FAM193A: variants seen among roughly 807,000 people sequenced by gnomAD.
FAM193A encodes family with sequence similarity 193 member A.
In FAM193A, 22 loss-of-function variants were observed where a neutral mutation model predicts 126.5. The observed-to-expected ratio is 0.17, with a 90% CI of 0.12 to 0.25. The LOEUF (loss-of-function observed/expected upper bound fraction) is 0.25, where lower values mean the gene tolerates loss of function less well. Among genes scored for constraint, FAM193A ranks in the 10% least tolerant of loss-of-function variants. FAM193A has a pLI of 1.00. For synonymous variants in FAM193A, 761 were observed against 646.8 expected (o/e 1.18, Z -2.68); for missense variants, 1,675 against 1,672.8 (o/e 1.00, Z -0.02).
At chr4:2,624,183 C>CT (rs371817846) in intron 2 of FAM193A, among the ~76,000 whole-genome samples, 2,713 of 147,644 alleles carry the variant, frequency 0.018, 61 homozygotes, top group African/African-American at 0.053. Flanking sequence ...TTCTCTCTCT[C>CT]TTTTTTTTTT....
intron 1 of FAM193A, among the ~76,000 whole-genome samples, chr4:2,591,444 A>G (rs1453745000): frequency 6.6e-6 from 1 of 152,114 alleles, no homozygotes; most frequent in Non-Finnish European, 1.5e-5. Flanking sequence ...GGGTTTTGAC[A>G]GGAGATGGAG....
At chr4:2,710,161 G>GTTTTTTTTTTTTTTTTCTTT (rs796903801) in intron 19 of FAM193A, among the ~76,000 whole-genome samples, 1 of 91,822 alleles carries the variant, frequency 1.1e-5, no homozygotes, top group Non-Finnish European at 2.1e-5. Flanking sequence ...TTCTTCTTTT[G>GTTTTTTTTTTTTTTTTCTTT]TTTTTTTTTT....
At chr4:2,625,876 A>T (rs1018217004) in intron 3 of FAM193A, among the ~76,000 whole-genome samples, 3 of 151,866 alleles carry the variant, frequency 2.0e-5, no homozygotes, top group African/African-American at 4.8e-5. Context: ...GGCGCGCACC[A>T]CCATGTCGGG....
chr4:2,547,844 C>G (rs1343558898), intron 1 of FAM193A, among the ~76,000 whole-genome samples: 1 of 150,432 alleles, frequency 6.6e-6, no homozygotes, highest in Non-Finnish European at 1.5e-5. Context: ...AGGCTGGTCT[C>G]GAACTCTTGA....
At chr4:2,578,115 A>G (rs1739711812) in intron 1 of FAM193A, among the ~76,000 whole-genome samples, 2 of 152,032 alleles carry the variant, frequency 1.3e-5, no homozygotes, top group African/African-American at 4.8e-5. Flanking sequence ...GTCTTGCTCT[A>G]TCACCCAGTG....
intron 10 of FAM193A, among the ~76,000 whole-genome samples, chr4:2,660,282 GA>G (rs1025558014): frequency 6.6e-6 from 1 of 151,924 alleles, no homozygotes; most frequent in African/African-American, 2.4e-5. Flanking sequence ...GGCCAGTAAA[GA>G]AAAAACATGT....
intron 4 of FAM193A, among the ~76,000 whole-genome samples, chr4:2,627,904 A>G (rs181891800): frequency 6.6e-6 from 1 of 151,968 alleles, no homozygotes; most frequent in Admixed American, 6.6e-5. Flanking sequence ...TACCACGCCC[A>G]GCTAATTTTT....
chr4:2,677,906 T>C (rs1391618932), intron 13 of FAM193A, among the ~76,000 whole-genome samples: 3 of 152,258 alleles, frequency 2.0e-5, no homozygotes, highest in African/African-American at 7.2e-5. Flanking sequence ...ATGTACATTC[T>C]AACAGTATTG....
intron 1 of FAM193A, among the ~76,000 whole-genome samples, chr4:2,555,690 T>C (rs1043161463): frequency 1.3e-5 from 2 of 152,200 alleles, no homozygotes; most frequent in Admixed American, 1.3e-4. Flanking sequence ...CAATCTCGGC[T>C]CGCCGCAAGC....
chr4:2,538,539 C>T (rs975342871), intron 1 of FAM193A, among the ~76,000 whole-genome samples: 7 of 151,858 alleles, frequency 4.6e-5, no homozygotes, highest in African/African-American at 1.7e-4. Flanking sequence ...GGGCTGTAGT[C>T]CTGGACTTCA....
chr4:2,548,071 A>AT (rs35770924), intron 1 of FAM193A, among the ~76,000 whole-genome samples: 4,071 of 127,766 alleles, frequency 0.032, 216 homozygotes, highest in African/African-American at 0.11. Flanking sequence ...GACTTTGCCT[A>AT]TTTTTTTTTT....
chr4:2,723,861 G>C (rs79582601), intron 20 of FAM193A, among the ~76,000 whole-genome samples: 10,582 of 152,108 alleles, frequency 0.07, 650 homozygotes, highest in African/African-American at 0.16. Context: ...CCAGGCAGTG[G>C]TGCAATCACG....
chr4:2,614,212 G>T (rs1346597694), intron 2 of FAM193A, among the ~76,000 whole-genome samples: 2 of 152,208 alleles, frequency 1.3e-5, no homozygotes, highest in Non-Finnish European at 2.9e-5. Context: ...GGAGTGGTGT[G>T]AGTAAGCATC....
intron 13 of FAM193A, among the ~76,000 whole-genome samples, chr4:2,685,216 GGT>G (rs1715598224): frequency 6.6e-6 from 1 of 152,134 alleles, no homozygotes; most frequent in Non-Finnish European, 1.5e-5. Context: ...CTGGTGACGT[GGT>G]GTAAGGGGAG....
chr4:2,653,210 C>T (rs914313234), intron 7 of FAM193A, among the ~76,000 whole-genome samples: 1 of 152,126 alleles, frequency 6.6e-6, no homozygotes, highest in Non-Finnish European at 1.5e-5. Flanking sequence ...GTAATTTCTT[C>T]AGGTATCTGT....
At chr4:2,628,469 C>T (rs193250440) in intron 4 of FAM193A, among the ~76,000 whole-genome samples, 2 of 152,104 alleles carry the variant, frequency 1.3e-5, no homozygotes, top group East Asian at 1.9e-4. Flanking sequence ...TGACTTGTCT[C>T]TACACAAAAT....
intron 20 of FAM193A, among the ~76,000 whole-genome samples, chr4:2,720,966 G>A (rs938844910): frequency 3.3e-5 from 5 of 152,184 alleles, no homozygotes; most frequent in Admixed American, 6.5e-5. Flanking sequence ...GAAGCCAGGA[G>A]TTTGAGACCA....
At chr4:2,581,144 A>AAC (rs556641266) in intron 1 of FAM193A, among the ~76,000 whole-genome samples, 10,599 of 136,626 alleles carry the variant, frequency 0.078, 656 homozygotes, top group African/African-American at 0.18. Flanking sequence ...ACAACAACAA[A>AAC]AAAAAAACCA....
In FAM193A at chr4:2,696,584, G is replaced by A; in HGVS notation, c.3498G>A (p.Lys1166=). The A allele has an allele frequency of 6.2e-7, 1 of 1,613,782 alleles. No individual in the cohort carries two copies. The highest frequency in any genetic ancestry group is 8.5e-7 in the Non-Finnish European group (1 of 1,179,670). ...STRAAKRARH[K]QRKLEEKARL... is the part of the protein sequence containing the mutation. ...GTGCAGCGAAGCGAGCAAGGCATAA[G>A]CAAAGGAAGGCAAGTGACAGTTCTC... Residue 1166 remains lysine (K), a synonymous_variant, in exon 18 of 21, where the codon AAG becomes AAA. Coordinates refer to ENST00000637812, the MANE Select transcript of FAM193A (RefSeq NM_001366318.2).
Sources: gnomAD v4.1 joint callset for allele counts (sites outside exome capture counted in the v4.1 genomes callset) on GRCh38, gnomAD v4.1.1 for gene constraint, MANE v1.5 for transcripts, NCBI Gene and HGNC (gene_info 2026-07-23, HGNC 2026-07-21) for gene names.